The following ESPNL variants were observed in gnomAD, a reference collection of about 807,000 sequenced individuals.
ESPNL encodes espin like.
In ESPNL, 49 loss-of-function variants were observed where a neutral mutation model predicts 46.8. The observed-to-expected ratio is 1.05, with a 90% confidence interval of 0.83 to 1.33. ESPNL has a LOEUF of 1.33. Ranked by LOEUF, ESPNL falls within the 40% of genes most tolerant of loss-of-function variation. The pLI, the probability that ESPNL is intolerant of heterozygous loss-of-function variation, is 0.00. For missense variants in ESPNL, 1,540 were observed against 1,436.6 expected, an observed-to-expected ratio of 1.07 and a Z score of -1.16; for synonymous variants, 664 against 662.1, an observed-to-expected ratio of 1.00 and a Z score of -0.04.
At chr2:238,102,383 G>A (rs1455869373) in intron 2 of ESPNL, among the ~76,000 whole-genome samples, 1 of 152,232 alleles carries the variant, frequency 6.6e-6, no homozygotes, top group African/African-American at 2.4e-5. Flanking sequence ...GAGAGTGGCT[G>A]GGGGCGGTGA....
At chr2:238,123,011 C>T (rs186972179) in intron 5 of ESPNL, among the ~76,000 whole-genome samples, 2 of 152,346 alleles carry the variant, frequency 1.3e-5, no homozygotes, top group East Asian at 1.9e-4. Context: ...TCCTTCAGCA[C>T]GGCAGGGAGC....
chr2:238,128,764 G>C lies in ESPNL; in HGVS notation c.1273G>C (p.Asp425His). 2 of 1,595,300 alleles carry C rather than the reference G, an allele frequency of 1.3e-6. No homozygotes were observed. Among genetic ancestry groups the C allele is most frequent in the East Asian group, 2.3e-5 (1 of 43,804 alleles). Residue 425 changes from aspartate (D) to histidine (H), a missense_variant, in exon 8 of 9, where the codon GAT (aspartate) becomes CAT (histidine). Transcript: ENST00000343063. ...AGATGGCCTGGCCGCACTACAGCTGGATGGGCTGCCCTCAGGCGACATCGA... is the reference window on the plus strand; with the variant it reads ...AGATGGCCTGGCCGCACTACAGCTGCATGGGCTGCCCTCAGGCGACATCGA... ...TSDGLAALQL[D>H]GLPSGDIDGL... is the part of the protein sequence containing the mutation.
intron 5 of ESPNL, among the ~76,000 whole-genome samples, chr2:238,124,131 C>A (rs1235318121): frequency 3.9e-5 from 6 of 152,240 alleles, no homozygotes; most frequent in Non-Finnish European, 7.3e-5. Flanking sequence ...GTCCCTCCCC[C>A]TCCCACGACG....
intron 5 of ESPNL, among the ~76,000 whole-genome samples, chr2:238,120,948 G>A (rs918340902): frequency 1.3e-5 from 2 of 152,228 alleles, no homozygotes; most frequent in Non-Finnish European, 2.9e-5. Flanking sequence ...GCCCCCAGGG[G>A]ACTCGTGCAT....
At position 238,107,122 on chromosome 2, in the gene ESPNL, G is replaced by A. The variant is rs574765082; in HGVS notation, c.673-669G>A. 7.9e-5 allele frequency among the ~76,000 whole-genome samples: 12 copies of A among 152,332 alleles called. No homozygotes were observed. In the South Asian group the frequency reaches 2.1e-3, roughly 26 times the overall value. ...GCAGGCTGTCCTAGGAGACCCCCGC[G>A]TCCCACTGGCAGGCCCAGGCCCCAT... is the stretch of plus-strand genomic sequence containing the variant. On this transcript the variant is annotated intron_variant, in intron 3 of 8. Transcript: ENST00000343063.
chr2:238,133,185 T>A lies in ESPNL; in HGVS notation c.*1453T>A, dbSNP rs935412. ...CCAGTGGCTTTTCCACAAGGGCCTATCCTGCAGCCGGCCCGCTCCGGCTTC... is the reference window on the plus strand; with the variant it reads ...CCAGTGGCTTTTCCACAAGGGCCTAACCTGCAGCCGGCCCGCTCCGGCTTC... On this transcript the variant is annotated 3_prime_UTR_variant, in exon 9 of 9. Coordinates refer to ENST00000343063, the MANE Select transcript of ESPNL (RefSeq NM_194312.4). The A allele has an allele frequency of 6.6e-6, 1 of 152,134 alleles. No homozygotes were observed. The highest frequency in any genetic ancestry group is 1.9e-4 in the East Asian group (1 of 5,186). The allele number at this position is 152,134 out of a possible 1,614,324, so 9.4% of individuals were successfully genotyped here. A position where few individuals can be genotyped will look rare whatever the true frequency, so the allele number is the denominator to read the frequency against.
At chr2:238,111,261 TA>T (rs915842707) in intron 4 of ESPNL, among the ~76,000 whole-genome samples, 2 of 152,208 alleles carry the variant, frequency 1.3e-5, no homozygotes, top group African/African-American at 4.8e-5. Context: ...TTACACTAAT[TA>T]TTTTTTTAAT....
chr2:238,130,074 G>A (rs1290839747), intron 8 of ESPNL, 54 bp from the exon 9 acceptor site: 14 of 1,558,746 alleles, frequency 9.0e-6, no homozygotes, highest in Non-Finnish European at 1.2e-5. Flanking sequence ...AGCTAGGTGG[G>A]CTGATGGTGG....
At chr2:238,127,590 C>T in intron 6 of ESPNL, 32 bp from the exon 7 acceptor site, 1 of 1,565,148 alleles carries the variant, frequency 6.4e-7, no homozygotes, top group Non-Finnish European at 8.7e-7. Flanking sequence ...CAGCCCTTGC[C>T]CTTTCTGCAA....
At chr2:238,104,908 T>C in intron 3 of ESPNL, 66 bp downstream of exon 3, 1 of 1,347,722 alleles carries the variant, frequency 7.4e-7, no homozygotes, top group Non-Finnish European at 9.7e-7. Flanking sequence ...AAGCAGAGCC[T>C]GGAGCCTGGA....
At chr2:238,100,954 G>A (rs959887508) in intron 1 of ESPNL, among the ~76,000 whole-genome samples, 11 of 152,228 alleles carry the variant, frequency 7.2e-5, no homozygotes, top group African/African-American at 2.2e-4. Flanking sequence ...GAAGCTGGGC[G>A]TTGCCAGTGG....
chr2:238,129,292 G>T, intron 8 of ESPNL: 2 of 1,088,588 alleles, frequency 1.8e-6, no homozygotes, highest in Non-Finnish European at 2.2e-6. Context: ...GCAGTTGGGG[G>T]ACTATGATAT....
In ESPNL at chr2:238,133,185, T is replaced by C. The variant is rs935412; in HGVS notation, c.*1453T>C. ...CCAGTGGCTTTTCCACAAGGGCCTA[T>C]CCTGCAGCCGGCCCGCTCCGGCTTC... On this transcript the variant is annotated 3_prime_UTR_variant, in exon 9 of 9. Transcript: ENST00000343063. 0.44 allele frequency: 67,171 copies of C among 152,208 alleles called. 15,692 individuals carry two copies. Among genetic ancestry groups the C allele is most frequent in the African/African-American group, 0.59 (24,658 of 41,510 alleles). 9.4% of individuals were successfully genotyped at this position (152,208 alleles called of 1,614,324 possible).
At position 238,114,672 on chromosome 2, in the gene ESPNL, G is replaced by A. The variant is rs1392026293; in HGVS notation, c.856-2231G>A. On this transcript the variant is annotated intron_variant, in intron 4 of 8. Transcript: ENST00000343063. The surrounding 1 kb of genome is among the most constrained non-coding windows in gnomAD (Gnocchi z 5.0). ...GCCTCCCAGCAGCCCCCGGGGAAGGGGTGTGCGCACGCCTGATTTTGTGTG... is the reference window on the plus strand; with the variant it reads ...GCCTCCCAGCAGCCCCCGGGGAAGGAGTGTGCGCACGCCTGATTTTGTGTG... Among the ~76,000 whole-genome samples, 1 of 152,200 alleles carries A rather than the reference G, an allele frequency of 6.6e-6. No individual in the cohort carries two copies. The highest frequency in any genetic ancestry group is 1.5e-5 in the Non-Finnish European group (1 of 68,038).
In ESPNL at chr2:238,116,735, C is replaced by G. The variant is rs1445144701; in HGVS notation, c.856-168C>G. ...GCTGTGGGATGAGGCTCGGGGGCTC[C>G]TAGGCAGGTCTCTGGCACCCCACGG... On this transcript the variant is annotated intron_variant, in intron 4 of 8. Transcript: ENST00000343063. Among the ~76,000 whole-genome samples, 3 of 152,038 alleles carry G rather than the reference C, an allele frequency of 2.0e-5. No homozygotes were observed. The East Asian group carries it at 5.8e-4, about 29-fold the overall frequency.
rs755344756 is a variant in ESPNL, at chr2:238,100,495, G to C, written c.76G>C (p.Ala26Pro). 1.3e-6 allele frequency: 2 copies of C among 1,598,760 alleles called. No individual in the cohort carries two copies. The highest frequency in any genetic ancestry group is 3.5e-5 in the Admixed American group (2 of 57,460). Residue 26 changes from alanine (A) to proline (P), a missense_variant, in exon 1 of 9, where the codon GCC becomes CCC. Transcript: ENST00000343063. ...GTTGGAGCGGCTGCTGGAGGCTGGC[G>C]CCCTGGGCCCGGGCATCACCGATGC... ...ATLERLLEAGALGPGITDALG... is the reference protein window; with the variant it reads ...ATLERLLEAGPLGPGITDALG...
At chr2:238,108,471 G>A (rs1036153194) in intron 4 of ESPNL, among the ~76,000 whole-genome samples, 3 of 152,222 alleles carry the variant, frequency 2.0e-5, no homozygotes, top group Admixed American at 1.3e-4. Flanking sequence ...GAGGGTGGGT[G>A]CAGCCATCAG....
rs1018813413 is a variant in ESPNL at position 238,129,060 on chromosome 2, A to G, written c.1413+156A>G. On this transcript the variant is annotated intron_variant, in intron 8 of 8. Transcript: ENST00000343063. ...AGCTGCTGCTTCCGCCGGAGGATGA[A>G]GTGAACCTGACCAGAGGACTCTGAG... is the stretch of plus-strand genomic sequence containing the variant. 1.5e-5 allele frequency: 22 copies of G among 1,431,572 alleles called. No homozygotes were observed. The African/African-American group carries it at 2.3e-4, about 15-fold the overall frequency. 88.7% of individuals were successfully genotyped at this position (1,431,572 alleles called of 1,614,324 possible).
Position 238,100,498 on chromosome 2 carries a change from C to G in ESPNL, c.79C>G (p.Leu27Val). ...TLERLLEAGA[L>V]GPGITDALGA... is the part of the protein sequence containing the mutation. ...GGAGCGGCTGCTGGAGGCTGGCGCCCTGGGCCCGGGCATCACCGATGCTCT... is the reference window on the plus strand; with the variant it reads ...GGAGCGGCTGCTGGAGGCTGGCGCCGTGGGCCCGGGCATCACCGATGCTCT... The change falls in exon 1 of 9, where the codon CTG (leucine) becomes GTG (valine). Residue 27 changes from leucine (L) to valine (V), a missense_variant. By Grantham distance (32) the Leu-to-Val change is conservative. Transcript: ENST00000343063. The G allele has an allele frequency of 6.3e-7, 1 of 1,598,748 alleles. No homozygotes were observed. Among genetic ancestry groups the G allele is most frequent in the Non-Finnish European group, 8.5e-7 (1 of 1,175,520 alleles).
Sources: gnomAD v4.1 joint callset for allele counts (sites outside exome capture counted in the v4.1 genomes callset) on GRCh38, gnomAD v4.1.1 for gene constraint, Gnocchi (gnomAD v3.1) non-coding constraint, MANE v1.5 for transcripts, NCBI Gene and HGNC (gene_info 2026-07-23, HGNC 2026-07-21) for gene names.